Variants in PSPC1 observed in about 807,000 individuals in gnomAD.
PSPC1 encodes the protein paraspeckle component 1, also known as paraspeckle protein 1.
PSPC1 carries 14 observed loss-of-function variants against 51.6 expected under a neutral mutation model. The ratio of observed to expected loss-of-function variants is 0.27; its 90% CI spans 0.18 to 0.42. PSPC1 has a LOEUF of 0.42. Among genes scored for constraint, PSPC1 ranks in the 10% least tolerant of loss-of-function variants. The pLI, the probability that PSPC1 is intolerant of heterozygous loss-of-function variation, is 1.00. For missense variants in PSPC1, 406 were observed against 701.1 expected, an observed-to-expected ratio of 0.58 and a Z score of 4.75; for synonymous variants, 193 against 231.9, an observed-to-expected ratio of 0.83 and a Z score of 1.53.
rs186652788 is a variant in PSPC1 at position 19,714,930 on chromosome 13, G to A, written c.1159-5331C>T. Among the ~76,000 whole-genome samples, 722 of 152,292 alleles carry A rather than the reference G, an allele frequency of 4.7e-3. 5 individuals are homozygous for A. Among genetic ancestry groups the A allele is most frequent in the South Asian group, 0.027 (130 of 4,830 alleles). On this transcript the variant is annotated intron_variant, in intron 6 of 8. Transcript: ENST00000338910. ...TATAAAGTCAGGTCTTCTTTGATGC[G>A]TTTTAATTAAAAAGCTTTCTGCAAT...
intron 5 of PSPC1, among the ~76,000 whole-genome samples, chr13:19,741,280 T>A (rs1315072579): frequency 6.6e-6 from 1 of 152,122 alleles, no homozygotes; most frequent in South Asian, 2.1e-4. Flanking sequence ...AATATATCCA[T>A]CTCTGGAAAA....
At chr13:19,754,889 T>A (rs1886916717) in intron 3 of PSPC1, among the ~76,000 whole-genome samples, 1 of 152,096 alleles carries the variant, frequency 6.6e-6, no homozygotes, top group African/African-American at 2.4e-5. Context: ...TGGTGACCTA[T>A]AACAAGGAAA....
At chr13:19,689,211 G>A (rs957223881) in intron 6 of PSPC1, among the ~76,000 whole-genome samples, 4 of 152,216 alleles carry the variant, frequency 2.6e-5, no homozygotes, top group African/African-American at 9.6e-5. Context: ...ACAGCAGCCA[G>A]TTCAGACTAG....
chr13:19,695,850 T>C (rs1879151887), intron 6 of PSPC1, among the ~76,000 whole-genome samples: 1 of 151,602 alleles, frequency 6.6e-6, no homozygotes, highest in African/African-American at 2.4e-5. Flanking sequence ...TAGTAATACA[T>C]AACAGGAAAA....
At chr13:19,710,045 A>G (rs1193534380) in intron 6 of PSPC1, among the ~76,000 whole-genome samples, 10 of 152,198 alleles carry the variant, frequency 6.6e-5, no homozygotes, top group African/African-American at 2.4e-4. Flanking sequence ...TAACACAAAT[A>G]GCTTTAGGGA....
chr13:19,705,188 T>C (rs1880485663), intron 8 of PSPC1, among the ~76,000 whole-genome samples: 1 of 152,220 alleles, frequency 6.6e-6, no homozygotes, highest in Admixed American at 6.5e-5. Flanking sequence ...TAATCCTAAT[T>C]CTTGGACTAC....
chr13:19,676,201 G>A (rs1040040089), intron 7 of PSPC1, among the ~76,000 whole-genome samples: 6 of 151,736 alleles, frequency 4.0e-5, no homozygotes, highest in African/African-American at 1.2e-4. Context: ...TATGAGATTC[G>A]TTCTTTGGAT....
intron 1 of PSPC1, among the ~76,000 whole-genome samples, chr13:19,781,730 CA>C (rs1301507213): frequency 6.6e-6 from 1 of 152,068 alleles, no homozygotes; most frequent in African/African-American, 2.4e-5. Flanking sequence ...CGCTCGTGCT[CA>C]GGAGTTCGAG....
downstream of PSPC1, among the ~76,000 whole-genome samples, chr13:19,701,121 C>A (rs1879856591): frequency 6.6e-6 from 1 of 152,082 alleles, no homozygotes; most frequent in African/African-American, 2.4e-5. Flanking sequence ...TGAGCCTGGA[C>A]ACTAGGATGT....
At chr13:19,715,800 T>G (rs1882020257) in intron 6 of PSPC1, among the ~76,000 whole-genome samples, 1 of 151,808 alleles carries the variant, frequency 6.6e-6, no homozygotes, top group Non-Finnish European at 1.5e-5. Flanking sequence ...GATCACGAGG[T>G]CAAGAGATCA....
chr13:19,736,371 A>G (rs1025810701), intron 5 of PSPC1, among the ~76,000 whole-genome samples: 1 of 152,126 alleles, frequency 6.6e-6, no homozygotes, highest in African/African-American at 2.4e-5. Flanking sequence ...ACATAATAAA[A>G]AAAATCACGC....
chr13:19,719,132 A>G (rs1030633418), intron 6 of PSPC1, among the ~76,000 whole-genome samples: 10 of 149,914 alleles, frequency 6.7e-5, no homozygotes, highest in African/African-American at 2.4e-4. Context: ...GCACGTGTCA[A>G]TGTAGCTTCA....
At position 19,705,880 on chromosome 13, in the gene PSPC1, A is replaced by G. The variant is rs763640439; in HGVS notation, c.1217-49T>C. ...GAGCTGTCCTATCTTAGTTTAGTAA[A>G]CATTAACAATTTAACAATATTTATG... On this transcript the variant is annotated intron_variant, in intron 7 of 8. Coordinates refer to ENST00000338910, the MANE Select transcript of PSPC1 (RefSeq NM_001354909.2). 13 of 1,452,726 alleles carry G rather than the reference A, an allele frequency of 8.9e-6. No individual in the cohort carries two copies. The African/African-American group carries it at 1.7e-4, about 19-fold the overall frequency. The allele number at this position is 1,452,726 out of a possible 1,614,324, so 90.0% of individuals were successfully genotyped here. A position where few individuals can be genotyped will look rare whatever the true frequency, so the allele number is the denominator to read the frequency against.
chr13:19,678,084 A>G (rs1400110531), intron 6 of PSPC1: 1 of 286,418 alleles, frequency 3.5e-6, no homozygotes, highest in Non-Finnish European at 6.8e-6. Context: ...AGTCCTAAAT[A>G]CCAAATAATT....
At chr13:19,763,579 GCTGAAGTTTTCT>G (rs774094215) in intron 2 of PSPC1, among the ~76,000 whole-genome samples, 3 of 152,328 alleles carry the variant, frequency 2.0e-5, no homozygotes, top group Non-Finnish European at 2.9e-5. Context: ...TCCTGCGCTA[GCTGAAGTTTTCT>G]CTGAAGTTTT....
chr13:19,753,518 C>T (rs888169898), intron 3 of PSPC1, among the ~76,000 whole-genome samples: 2 of 152,188 alleles, frequency 1.3e-5, no homozygotes, highest in Admixed American at 6.6e-5. Flanking sequence ...GTGGGAGCCA[C>T]CACACCCAGC....
intron 2 of PSPC1, 40 bp downstream of exon 2, chr13:19,772,202 T>G: frequency 6.3e-7 from 1 of 1,577,952 alleles, no homozygotes; most frequent in Non-Finnish European, 8.6e-7. Context: ...GAAGCCCATA[T>G]GTAACTGGAT....
chr13:19,674,046 A>AGGTGATCTCAGGACT (rs1204876806), downstream of PSPC1, among the ~76,000 whole-genome samples: 2 of 152,218 alleles, frequency 1.3e-5, no homozygotes, highest in Non-Finnish European at 2.9e-5. Flanking sequence ...CCTAGGACAT[A>AGGTGATCTCAGGACT]GGTGATCTCA....
At chr13:19,678,575 T>C (rs1876920105) in intron 6 of PSPC1, 1 of 152,132 alleles carries the variant, frequency 6.6e-6, no homozygotes, top group South Asian at 2.1e-4. Flanking sequence ...TAAAACCCAT[T>C]TGGGACTCAA....
Sources: gnomAD v4.1 joint callset for allele counts (sites outside exome capture counted in the v4.1 genomes callset) on GRCh38, gnomAD v4.1.1 for gene constraint, MANE v1.5 for transcripts, NCBI Gene and HGNC (gene_info 2026-07-23, HGNC 2026-07-21) for gene names.